Variants in MYEF2 observed in about 807,000 individuals in gnomAD.
MYEF2 encodes myelin expression factor 2.
In MYEF2, 37 loss-of-function variants were observed where a neutral mutation model predicts 75.2. That is an observed-to-expected ratio of 0.49 (90% CI 0.38 to 0.65). MYEF2 has a LOEUF of 0.65. Among genes scored for constraint, MYEF2 ranks in the 30% least tolerant of loss-of-function variants. The pLI is 0.00. For missense variants in MYEF2, 634 were observed against 771.4 expected (o/e 0.82, Z 2.11); for synonymous variants, 195 against 241.6 (o/e 0.81, Z 1.79).
At chr15:48,170,603 T>A (rs2040294144) in intron 1 of MYEF2, among the ~76,000 whole-genome samples, 1 of 152,200 alleles carries the variant, frequency 6.6e-6, no homozygotes, top group Non-Finnish European at 1.5e-5. Flanking sequence ...CCAAGTTTCA[T>A]GAGCCAGGCT....
In MYEF2 at chr15:48,158,882, A is replaced by C; in HGVS notation, c.758T>G (p.Phe253Cys). Residue 253 changes from phenylalanine (F) to cysteine (C), a missense_variant, in exon 7 of 17, where the codon TTC (phenylalanine) becomes TGC (cysteine). Transcript: ENST00000324324. Reference protein sequence around the residue: ...KVGWKKLKEVFSIAGTVKRAD... With the variant: ...KVGWKKLKEVCSIAGTVKRAD... ...CCGCTTCACAGTTCCAGCTATGCTG[A>C]ACACTTCCTTTAGCTTCTTCCAACC... The C allele has an allele frequency of 6.2e-7, 1 of 1,613,700 alleles. No homozygotes were observed. The highest frequency in any genetic ancestry group is 8.5e-7 in the Non-Finnish European group (1 of 1,179,750).
rs1303506783 is a variant in MYEF2 at position 48,138,388 on chromosome 15, T to TGA, written c.*4519_*4520insTC. The TGA allele has an allele frequency of 6.6e-6, 1 of 152,086 alleles. No homozygotes were observed. The highest frequency in any genetic ancestry group is 1.5e-5 in the Non-Finnish European group (1 of 67,950). 9.4% of individuals were successfully genotyped at this position (152,086 alleles called of 1,614,324 possible). ...GTACTTTAGATGATATACTACCTCC[T>TGA]ACTTTAAGGTTATTTCTATGAACTG... On this transcript the variant is annotated 3_prime_UTR_variant, in exon 17 of 17. Transcript: ENST00000324324.
intron 16 of MYEF2, among the ~76,000 whole-genome samples, chr15:48,144,844 A>C (rs971723270): frequency 1.3e-5 from 2 of 151,872 alleles, no homozygotes; most frequent in Admixed American, 6.6e-5. Flanking sequence ...TTAAGGTTAA[A>C]GGTTCTTCCT....
rs1597275975 is a variant in MYEF2, at chr15:48,141,387, A to C, written c.*1521T>G. Reference sequence around the variant, plus strand: ...AGGTCAGGAGTTTGAGACCAGCCTGACCAACATGGTGAAACCCAGTCTCTA... The same window carrying C: ...AGGTCAGGAGTTTGAGACCAGCCTGCCCAACATGGTGAAACCCAGTCTCTA... On this transcript the variant is annotated 3_prime_UTR_variant, in exon 17 of 17. Transcript: ENST00000324324. The C allele has an allele frequency of 2.2e-6, 1 of 450,624 alleles. No individual in the cohort carries two copies. Among genetic ancestry groups the C allele is most frequent in the African/African-American group, 2.0e-5 (1 of 49,572 alleles). 27.9% of individuals were successfully genotyped at this position (450,624 alleles called of 1,614,324 possible).
At position 48,177,182 on chromosome 15, in the gene MYEF2, G is replaced by GA. The variant is rs2040562002; in HGVS notation, c.161+894dup. On this transcript the variant is annotated intron_variant, in intron 1 of 16. Coordinates refer to ENST00000324324, the MANE Select transcript of MYEF2 (RefSeq NM_016132.5). Reference sequence around the variant, plus strand: ...TTCAGGTTTAAGGAGGTAGGCATATGAAAGTAAGCGCTTAACTTCATATCC... The same window carrying GA: ...TTCAGGTTTAAGGAGGTAGGCATATGAAAAGTAAGCGCTTAACTTCATATCC... Among the ~76,000 whole-genome samples, 5 of 152,172 alleles carry GA rather than the reference G, an allele frequency of 3.3e-5. No individual in the cohort carries two copies. In the South Asian group the frequency reaches 1.0e-3, roughly 31 times the overall value.
intron 1 of MYEF2, 23 bp downstream of exon 1, chr15:48,178,054 G>C: frequency 6.3e-7 from 1 of 1,584,358 alleles, no homozygotes; most frequent in Non-Finnish European, 8.6e-7. Context: ...CCTCGCCCCG[G>C]TTCCCGGAGG....
rs1240496196 is a variant in MYEF2, at chr15:48,141,178, C to T, written c.*1730G>A. On this transcript the variant is annotated 3_prime_UTR_variant, in exon 17 of 17. Transcript: ENST00000324324. ...TTTATTAGCAGCAGGAACAAGCATA[C>T]CAGACACAATTGCAAGTGTGTTGGT... The T allele has an allele frequency of 6.2e-7, 1 of 1,613,834 alleles. No individual in the cohort carries two copies. The highest frequency in any genetic ancestry group is 1.7e-4 in the Middle Eastern group (1 of 6,060).
rs2039397313 is a variant in MYEF2 at position 48,149,146 on chromosome 15, A to T, written c.1587+17T>A. ...AAAAAAAAGAATTTGAATTATCCTT[A>T]ATATTTATTTGCTTACATTTCTGAC... On this transcript the variant is annotated intron_variant, in intron 15 of 16. Transcript: ENST00000324324. The surrounding 1 kb of genome is among the most constrained non-coding windows in gnomAD (Gnocchi z 4.0). The T allele has an allele frequency of 6.2e-7, 1 of 1,612,760 alleles. No homozygotes were observed. Among genetic ancestry groups the T allele is most frequent in the South Asian group, 1.1e-5 (1 of 91,062 alleles).
intron 1 of MYEF2, among the ~76,000 whole-genome samples, chr15:48,175,617 G>A (rs1597366486): frequency 6.6e-6 from 1 of 151,952 alleles, no homozygotes; most frequent in South Asian, 2.1e-4. Flanking sequence ...AAAGCTGGGG[G>A]AAACAGTTCT....
intron 5 of MYEF2, 109 bp from the exon 6 acceptor site, chr15:48,159,913 G>T: frequency 8.6e-7 from 1 of 1,162,852 alleles, no homozygotes; most frequent in Non-Finnish European, 1.2e-6. Flanking sequence ...TCAAATTATT[G>T]ACCCTCTTGA....
chr15:48,146,243 T>C (rs915259614), intron 16 of MYEF2, among the ~76,000 whole-genome samples: 1 of 151,894 alleles, frequency 6.6e-6, no homozygotes, highest in Non-Finnish European at 1.5e-5. Flanking sequence ...GGTCCAATAC[T>C]AAATAGGTTA....
chr15:48,141,311 G>T lies in MYEF2; in HGVS notation c.*1597C>A. On this transcript the variant is annotated 3_prime_UTR_variant, in exon 17 of 17. Transcript: ENST00000324324. ...TGTTTACTTCCAGCCGGGTGTGGTG[G>T]CTCGCGCCTGTAATCCCAGGATTTT... is the stretch of plus-strand genomic sequence containing the variant. The T allele has an allele frequency of 1.0e-6, 1 of 972,558 alleles. No individual in the cohort carries two copies. The highest frequency in any genetic ancestry group is 1.5e-6 in the Non-Finnish European group (1 of 645,200). The allele number at this position is 972,558 out of a possible 1,614,324, so 60.2% of individuals were successfully genotyped here.
At chr15:48,159,499 T>C (rs1371066942) in intron 6 of MYEF2, 114 bp downstream of exon 6, 2 of 853,260 alleles carry the variant, frequency 2.3e-6, no homozygotes, top group Admixed American at 2.6e-5. Flanking sequence ...TAATTACTAT[T>C]TCACTTACTT....
At position 48,141,107 on chromosome 15, in the gene MYEF2, T is replaced by C. The variant is rs1417435130; in HGVS notation, c.*1801A>G. 1.0e-4 allele frequency: 165 copies of C among 1,605,978 alleles called. No individual in the cohort carries two copies. Among genetic ancestry groups the C allele is most frequent in the Non-Finnish European group, 1.4e-4 (162 of 1,173,184 alleles). ...ATTTGTAACTTGAAATATCTGTTTA[T>C]TACAGGGGAAACACTAGAAATTCCC... On this transcript the variant is annotated 3_prime_UTR_variant, in exon 17 of 17. Transcript: ENST00000324324.
At position 48,159,046 on chromosome 15, in the gene MYEF2, G is replaced by A. The variant is rs772983961; in HGVS notation, c.718-124C>T. 6 of 783,724 alleles carry A rather than the reference G, an allele frequency of 7.7e-6. No homozygotes were observed. The Admixed American group carries it at 1.5e-4, about 20-fold the overall frequency. The allele number at this position is 783,724 out of a possible 1,614,324, so 48.5% of individuals were successfully genotyped here. A position where few individuals can be genotyped will look rare whatever the true frequency, so the allele number is the denominator to read the frequency against. Reference sequence around the variant, plus strand: ...CATAATTCTAGTTCAACAATATATTGATAATGTTCAAATTTTAAAACATCT... The same window carrying A: ...CATAATTCTAGTTCAACAATATATTAATAATGTTCAAATTTTAAAACATCT... On this transcript the variant is annotated intron_variant, in intron 6 of 16. Transcript: ENST00000324324.
intron 16 of MYEF2, among the ~76,000 whole-genome samples, chr15:48,144,901 T>A (rs12102240): frequency 0.012 from 1,860 of 151,986 alleles, 37 homozygotes; most frequent in African/African-American, 0.043. Flanking sequence ...AAGTATCCCA[T>A]CATAGATTTA....
In MYEF2 at chr15:48,140,205, T is replaced by C. The variant is rs963844278; in HGVS notation, c.*2703A>G. 4.6e-5 allele frequency: 7 copies of C among 152,090 alleles called. No homozygotes were observed. The highest frequency in any genetic ancestry group is 1.7e-4 in the African/African-American group (7 of 41,406). The allele number at this position is 152,090 out of a possible 1,614,324, so 9.4% of individuals were successfully genotyped here. A position where few individuals can be genotyped will look rare whatever the true frequency, so the allele number is the denominator to read the frequency against. On this transcript the variant is annotated 3_prime_UTR_variant, in exon 17 of 17. Transcript: ENST00000324324. ...AAATAAAAAGAGAGCAAAAATCATGTAATAGATCACAGAACAGCCCCCAAG... is the reference window on the plus strand; with the variant it reads ...AAATAAAAAGAGAGCAAAAATCATGCAATAGATCACAGAACAGCCCCCAAG...
rs773729804 is a variant in MYEF2, at chr15:48,139,065, C to A, written c.*3843G>T. On this transcript the variant is annotated 3_prime_UTR_variant, in exon 17 of 17. Transcript: ENST00000324324. ...ATTACATTACTTTTTCTAACCACACCAGATTGTAGAAAAAAGTTTTGGAAA... is the reference window on the plus strand; with the variant it reads ...ATTACATTACTTTTTCTAACCACACAAGATTGTAGAAAAAAGTTTTGGAAA... 1.2e-6 allele frequency: 2 copies of A among 1,612,718 alleles called. No homozygotes were observed. The highest frequency in any genetic ancestry group is 1.7e-6 in the Non-Finnish European group (2 of 1,179,018).
Position 48,142,633 on chromosome 15 carries a change from T to C in MYEF2, c.*275A>G. On this transcript the variant is annotated 3_prime_UTR_variant, in exon 17 of 17. Transcript: ENST00000324324. ...ACTAGAACAAACAAATCCAACTATG[T>C]AGTACTGAAAACAACAAGAAAATGG... 4.4e-6 allele frequency: 2 copies of C among 453,828 alleles called. No homozygotes were observed. Among genetic ancestry groups the C allele is most frequent in the South Asian group, 4.3e-5 (1 of 23,212 alleles). The allele number at this position is 453,828 out of a possible 1,614,324, so 28.1% of individuals were successfully genotyped here.
Sources: allele counts gnomAD v4.1 joint callset (sites outside exome capture counted in the v4.1 genomes callset), GRCh38; gene constraint gnomAD v4.1.1; non-coding constraint Gnocchi (gnomAD v3.1); transcripts MANE v1.5; gene names NCBI Gene and HGNC (gene_info 2026-07-23, HGNC 2026-07-21).